Variants in NUP214 observed in about 807,000 individuals in gnomAD.
The protein encoded by NUP214 is nuclear pore complex protein Nup214.
In NUP214, 79 loss-of-function variants were observed where a neutral mutation model predicts 196.2. That is an observed-to-expected ratio of 0.40 (90% CI 0.34 to 0.49). NUP214 has a LOEUF of 0.49. NUP214 is among the 20% of genes least tolerant of loss of function. NUP214 has a pLI of 0.58. For synonymous variants in NUP214, 1,020 were observed against 990.5 expected, an observed-to-expected ratio of 1.03 and a Z score of -0.56; for missense variants, 2,468 against 2,539.0, an observed-to-expected ratio of 0.97 and a Z score of 0.60.
chr9:131,169,236 G>A (rs548688514), intron 21 of NUP214, among the ~76,000 whole-genome samples: 42 of 151,958 alleles, frequency 2.8e-4, no homozygotes, highest in African/African-American at 9.2e-4. Context: ...GGGTTTCACC[G>A]TGTTGGCCAG....
chr9:131,220,216 A>G (rs946038247), intron 31 of NUP214, among the ~76,000 whole-genome samples: 2 of 152,192 alleles, frequency 1.3e-5, no homozygotes, highest in African/African-American at 4.8e-5. Flanking sequence ...TTCTACAGTG[A>G]AATATTGTTC....
chr9:131,162,209 AT>A (rs140924297), intron 18 of NUP214, among the ~76,000 whole-genome samples: 1 of 152,308 alleles, frequency 6.6e-6, no homozygotes, highest in East Asian at 1.9e-4. Flanking sequence ...ATCTTATAGG[AT>A]CATCGTTGTA....
At chr9:131,225,929 G>A (rs1191091095) in intron 32 of NUP214, among the ~76,000 whole-genome samples, 1 of 152,222 alleles carries the variant, frequency 6.6e-6, no homozygotes, top group East Asian at 1.9e-4. Context: ...GGGATGGACT[G>A]AAGATGGCCT....
intron 9 of NUP214, among the ~76,000 whole-genome samples, chr9:131,138,532 G>T (rs1831809754): frequency 6.6e-6 from 1 of 152,074 alleles, no homozygotes; most frequent in African/African-American, 2.4e-5. Flanking sequence ...TTTCTTTGTT[G>T]GTCTTTAAGC....
chr9:131,234,085 A>C lies in NUP214; in HGVS notation c.*598A>C, dbSNP rs922375013. 1.7e-5 allele frequency: 4 copies of C among 237,978 alleles called. No individual in the cohort carries two copies. Among genetic ancestry groups the C allele is most frequent in the Admixed American group, 1.6e-4 (3 of 18,286 alleles). 14.7% of individuals were successfully genotyped at this position (237,978 alleles called of 1,614,324 possible). A position where few individuals can be genotyped will look rare whatever the true frequency, so the allele number is the denominator to read the frequency against. ...AAGCAGCCATAGCGCTTTTCAGTACAGTACAATAGTAGCCAGCGTGAGGCA... is the reference window on the plus strand; with the variant it reads ...AAGCAGCCATAGCGCTTTTCAGTACCGTACAATAGTAGCCAGCGTGAGGCA... On this transcript the variant is annotated 3_prime_UTR_variant, in exon 36 of 36. Transcript: ENST00000359428.
chr9:131,230,353 C>T lies in NUP214; in HGVS notation c.6075-277C>T. Reference sequence around the variant, plus strand: ...GCAGGAACTGTGTACTGCATAGTTCCCAAATGCCCTGGTGTTCCAATGGGG... The same window carrying T: ...GCAGGAACTGTGTACTGCATAGTTCTCAAATGCCCTGGTGTTCCAATGGGG... On this transcript the variant is annotated intron_variant, in intron 33 of 35. Coordinates refer to ENST00000359428, the MANE Select transcript of NUP214 (RefSeq NM_005085.4). The T allele has an allele frequency of 1.3e-5, 6 of 445,136 alleles. No individual in the cohort carries two copies. The South Asian group carries it at 1.5e-4, about 11-fold the overall frequency. The allele number at this position is 445,136 out of a possible 1,614,324, so 27.6% of individuals were successfully genotyped here. A position where few individuals can be genotyped will look rare whatever the true frequency, so the allele number is the denominator to read the frequency against.
intron 11 of NUP214, 52 bp downstream of exon 11, chr9:131,140,762 A>G (rs745924936): frequency 2.7e-5 from 41 of 1,542,556 alleles, no homozygotes; most frequent in Non-Finnish European, 3.4e-5. Flanking sequence ...GGCTTGCACA[A>G]GAGTATTTCC....
intron 11 of NUP214, among the ~76,000 whole-genome samples, chr9:131,143,926 G>T (rs1832005763): frequency 6.6e-6 from 1 of 151,852 alleles, no homozygotes; most frequent in Non-Finnish European, 1.5e-5. Context: ...CTTTCTATGT[G>T]TATTTATCTG....
intron 30 of NUP214, among the ~76,000 whole-genome samples, chr9:131,206,141 C>CTTTTTTTTTTTTTTTTTTTTTT (rs1588166866): frequency 1.7e-4 from 4 of 23,868 alleles, no homozygotes; most frequent in Admixed American, 5.8e-4. Context: ...GAATTTTTTT[C>CTTTTTTTTTTTTTTTTTTTTTT]TTTTTTCTTT....
intron 29 of NUP214, among the ~76,000 whole-genome samples, chr9:131,200,715 AAAAAG>A (rs1833916689): frequency 6.6e-6 from 1 of 152,134 alleles, no homozygotes; most frequent in Admixed American, 6.5e-5. Flanking sequence ...TCTCCATTAA[AAAAAG>A]AAAAGAAACG....
At chr9:131,215,792 G>T (rs1414712589) in intron 31 of NUP214, among the ~76,000 whole-genome samples, 1 of 151,932 alleles carries the variant, frequency 6.6e-6, no homozygotes, top group African/African-American at 2.4e-5. Flanking sequence ...TTCAGCTCCT[G>T]TAGGGAGATG....
At chr9:131,168,970 T>A (rs910402926) in intron 21 of NUP214, among the ~76,000 whole-genome samples, 1 of 152,154 alleles carries the variant, frequency 6.6e-6, no homozygotes, top group African/African-American at 2.4e-5. Flanking sequence ...CTCAATACTG[T>A]TCTCTTGCTA....
At chr9:131,217,828 G>T (rs777675447) in intron 31 of NUP214, among the ~76,000 whole-genome samples, 7 of 152,230 alleles carry the variant, frequency 4.6e-5, no homozygotes, top group Non-Finnish European at 1.0e-4. Context: ...GCTCTTGACT[G>T]TCAAGGAGTT....
At chr9:131,221,025 C>T (rs1199429425) in intron 31 of NUP214, among the ~76,000 whole-genome samples, 2 of 152,194 alleles carry the variant, frequency 1.3e-5, no homozygotes, top group South Asian at 2.1e-4. Flanking sequence ...ATTGCTAGCA[C>T]TAACAAAGTG....
At chr9:131,220,821 G>T (rs1353955073) in intron 31 of NUP214, among the ~76,000 whole-genome samples, 9 of 152,160 alleles carry the variant, frequency 5.9e-5, no homozygotes, top group Admixed American at 3.3e-4. Flanking sequence ...ATGCCATAAA[G>T]ATTTTAAAGT....
chr9:131,151,966 C>T (rs1832282444), intron 17 of NUP214, 72 bp downstream of exon 17: 1 of 1,250,170 alleles, frequency 8.0e-7, no homozygotes, highest in South Asian at 1.6e-5. Context: ...CCTCTTTTTG[C>T]ATATAGATTT....
chr9:131,177,722 A>C (rs1833155769), intron 23 of NUP214, among the ~76,000 whole-genome samples: 1 of 152,248 alleles, frequency 6.6e-6, no homozygotes, highest in African/African-American at 2.4e-5. Flanking sequence ...ACAATTTACA[A>C]TTATAAGACG....
intron 27 of NUP214, chr9:131,194,217 A>AG (rs1833710662): frequency 6.7e-6 from 1 of 149,846 alleles, no homozygotes; most frequent in Non-Finnish European, 1.5e-5. Context: ...AAAAAAAAAA[A>AG]AGGTGCAGTG....
chr9:131,125,609 G>C lies in NUP214; in HGVS notation c.-96G>C, dbSNP rs1360882629. The C allele has an allele frequency of 2.6e-6, 4 of 1,548,394 alleles. No homozygotes were observed. The highest frequency in any genetic ancestry group is 3.5e-6 in the Non-Finnish European group (4 of 1,145,210). ...GCGAGGTCAACTGCGCGCCGCTGGCGCTGAGGGGAGGAAGTTTGCTGTCGA... is the reference window on the plus strand; with the variant it reads ...GCGAGGTCAACTGCGCGCCGCTGGCCCTGAGGGGAGGAAGTTTGCTGTCGA... On this transcript the variant is annotated 5_prime_UTR_variant, in exon 1 of 36. Coordinates refer to ENST00000359428, the MANE Select transcript of NUP214 (RefSeq NM_005085.4). The surrounding 1 kb of genome is among the most constrained non-coding windows in gnomAD (Gnocchi z 4.1).
Sources: gnomAD v4.1 joint callset for allele counts (sites outside exome capture counted in the v4.1 genomes callset) on GRCh38, gnomAD v4.1.1 for gene constraint, Gnocchi (gnomAD v3.1) non-coding constraint, MANE v1.5 for transcripts, NCBI Gene and HGNC (gene_info 2026-07-23, HGNC 2026-07-21) for gene names.